Variants in BACH2 observed in about 807,000 individuals in gnomAD.
The protein encoded by BACH2 is transcription regulator protein BACH2.
In BACH2, 5 loss-of-function variants were observed where a neutral mutation model predicts 61.8. The observed-to-expected ratio is 0.08, with a 90% CI of 0.04 to 0.17. The LOEUF (loss-of-function observed/expected upper bound fraction) is 0.17. BACH2 is among the 10% of genes least tolerant of loss of function. The pLI is 1.00. For synonymous variants in BACH2, 446 were observed against 440.1 expected, an observed-to-expected ratio of 1.01 and a Z score of -0.17; for missense variants, 824 against 1,091.1, an observed-to-expected ratio of 0.76 and a Z score of 3.45.
At chr6:90,264,430 AG>A (rs1214506634) in intron 2 of BACH2, among the ~76,000 whole-genome samples, 2 of 152,210 alleles carry the variant, frequency 1.3e-5, no homozygotes, top group African/African-American at 4.8e-5. Flanking sequence ...ATATAAACAA[AG>A]GGTATATAAA....
chr6:90,175,968 C>T (rs1282556140), intron 4 of BACH2, among the ~76,000 whole-genome samples: 1 of 152,114 alleles, frequency 6.6e-6, no homozygotes, highest in Non-Finnish European at 1.5e-5. Context: ...CAATTCTAAA[C>T]TGTTAACCCT....
At chr6:90,057,116 C>T (rs373400024) in intron 5 of BACH2, among the ~76,000 whole-genome samples, 25 of 151,846 alleles carry the variant, frequency 1.6e-4, no homozygotes, top group East Asian at 9.7e-4. Context: ...AAGAAATAAC[C>T]GAGATCAGAG....
At chr6:90,192,753 A>G (rs1283696560) in intron 4 of BACH2, among the ~76,000 whole-genome samples, 1 of 152,238 alleles carries the variant, frequency 6.6e-6, no homozygotes, top group East Asian at 1.9e-4. Flanking sequence ...GTGTAAGTAA[A>G]ATTCCCTTGA....
intron 4 of BACH2, among the ~76,000 whole-genome samples, chr6:90,132,946 TCTC>T (rs1784126671): frequency 6.6e-6 from 1 of 152,126 alleles, no homozygotes; most frequent in Non-Finnish European, 1.5e-5. Context: ...TTAAACCACA[TCTC>T]CTCCAGGAAG....
At chr6:90,107,263 T>C (rs1341049759) in intron 4 of BACH2, among the ~76,000 whole-genome samples, 1 of 152,068 alleles carries the variant, frequency 6.6e-6, no homozygotes, top group South Asian at 2.1e-4. Flanking sequence ...TCCCAGCTAC[T>C]TGGGGGACTG....
chr6:89,932,904 A>G lies in BACH2; in HGVS notation c.2044-14T>C. 1 of 1,550,080 alleles carries G rather than the reference A, an allele frequency of 6.5e-7. No homozygotes were observed. Among genetic ancestry groups the G allele is most frequent in the African/African-American group, 1.4e-5 (1 of 73,282 alleles). On this transcript the variant is annotated splice_polypyrimidine_tract_variant and intron_variant, in intron 8 of 8. Coordinates refer to ENST00000257749, the MANE Select transcript of BACH2 (RefSeq NM_021813.4). ...TTTCTCACACACCTGGACAGTAGAG[A>G]AAAAAAGAGAAGGGTTGATCAAGCC...
chr6:89,951,774 C>A lies in BACH2; in HGVS notation c.332G>T (p.Arg111Leu), dbSNP rs150524925. ...GTGCATGCGCAGGAACTCAGCACAGCGGATGACCTCGCGGATGTTTTCTCT... is the reference window on the plus strand; with the variant it reads ...GTGCATGCGCAGGAACTCAGCACAGAGGATGACCTCGCGGATGTTTTCTCT... ...LSRENIREVI[R>L]CAEFLRMHNL... Residue 111 changes from arginine (R) to leucine (L), a missense_variant, in exon 7 of 9, where the codon CGC becomes CTC. Arg to Leu is a moderately radical substitution (Grantham distance 102). This residue lies in a region of BACH2 where 66 missense variants were observed against 144.8 expected (regional missense o/e 0.46). Transcript: ENST00000257749. The surrounding 1 kb of genome is among the most constrained non-coding windows in gnomAD (Gnocchi z 6.4). The A allele has an allele frequency of 6.2e-7, 1 of 1,614,090 alleles. No homozygotes were observed.
chr6:90,089,508 A>G (rs1365719638), intron 4 of BACH2, among the ~76,000 whole-genome samples: 1 of 152,130 alleles, frequency 6.6e-6, no homozygotes, highest in Non-Finnish European at 1.5e-5. Context: ...TGTAAATAGA[A>G]GAGATTTGGG....
intron 4 of BACH2, among the ~76,000 whole-genome samples, chr6:90,168,232 TAGTCCCAGCTAC>T (rs1272557210): frequency 3.9e-5 from 6 of 152,194 alleles, no homozygotes; most frequent in African/African-American, 1.4e-4. Context: ...GTGGTGCCTA[TAGTCCCAGCTAC>T]ATGGAAGCCT....
chr6:89,944,056 G>C (rs1289899929), intron 7 of BACH2, among the ~76,000 whole-genome samples: 1 of 152,220 alleles, frequency 6.6e-6, no homozygotes, highest in South Asian at 2.1e-4. Flanking sequence ...AATGTTTCTC[G>C]CGCAATTGTC....
At chr6:90,288,033 G>A (rs1195019514) in intron 1 of BACH2, among the ~76,000 whole-genome samples, 7 of 152,108 alleles carry the variant, frequency 4.6e-5, no homozygotes, top group Admixed American at 6.6e-5. Context: ...TCTGGGACAC[G>A]GACCATCATC....
intron 6 of BACH2, among the ~76,000 whole-genome samples, chr6:89,992,512 T>C (rs992352011): frequency 2.0e-5 from 3 of 152,178 alleles, no homozygotes; most frequent in Non-Finnish European, 2.9e-5. Context: ...TGGTGGCACA[T>C]GCCTGTAATC....
chr6:90,154,340 G>A (rs192908631), intron 4 of BACH2, among the ~76,000 whole-genome samples: 11 of 152,140 alleles, frequency 7.2e-5, no homozygotes, highest in Admixed American at 1.3e-4. Flanking sequence ...GCCCAATCAC[G>A]TCAAAAAGAT....
chr6:90,270,769 A>G (rs1771492632), intron 2 of BACH2, among the ~76,000 whole-genome samples: 1 of 152,220 alleles, frequency 6.6e-6, no homozygotes, highest in Admixed American at 6.5e-5. Flanking sequence ...CACATAGCCA[A>G]TAGAACAAAA....
At chr6:90,291,936 G>A (rs1243195120) in intron 1 of BACH2, among the ~76,000 whole-genome samples, 2 of 152,134 alleles carry the variant, frequency 1.3e-5, no homozygotes, top group Non-Finnish European at 2.9e-5. Context: ...GTCATATGTC[G>A]CTGAAACTTC....
chr6:90,136,406 T>C (rs1784273441), intron 4 of BACH2, among the ~76,000 whole-genome samples: 1 of 152,222 alleles, frequency 6.6e-6, no homozygotes, highest in African/African-American at 2.4e-5. Context: ...TGACAAATCA[T>C]TTAAGTTCTT....
intron 3 of BACH2, among the ~76,000 whole-genome samples, chr6:90,219,594 T>C (rs573378650): frequency 1.3e-5 from 2 of 152,344 alleles, no homozygotes; most frequent in South Asian, 2.1e-4. Context: ...CACAGCTGTA[T>C]TGTAAACACG....
intron 4 of BACH2, among the ~76,000 whole-genome samples, chr6:90,198,799 T>C (rs913256496): frequency 6.6e-6 from 1 of 152,124 alleles, no homozygotes; most frequent in Non-Finnish European, 1.5e-5. Context: ...TGTGATATGG[T>C]TTGGCTGTGT....
chr6:90,052,791 G>A (rs997410310), intron 5 of BACH2, among the ~76,000 whole-genome samples: 1 of 152,160 alleles, frequency 6.6e-6, no homozygotes, highest in Non-Finnish European at 1.5e-5. Context: ...GCTCGAATAC[G>A]AATTGTTAAA....
Sources: gnomAD v4.1 joint callset for allele counts (sites outside exome capture counted in the v4.1 genomes callset) on GRCh38, gnomAD v4.1.1 for gene constraint, gnomAD v4.1.1 regional missense constraint, Gnocchi (gnomAD v3.1) non-coding constraint, MANE v1.5 for transcripts, NCBI Gene and HGNC (gene_info 2026-07-23, HGNC 2026-07-21) for gene names.